CPNE5: variants seen among roughly 807,000 people sequenced by gnomAD.
CPNE5 encodes the protein copine 5, also known as copine-5.
CPNE5 carries 42 observed loss-of-function variants against 81.1 expected under a neutral mutation model. The observed-to-expected ratio is 0.52, with a 90% CI of 0.40 to 0.67. The LOEUF is 0.67. Among genes scored for constraint, CPNE5 ranks in the 30% least tolerant of loss-of-function variants. The pLI is 0.00. For missense variants in CPNE5, 612 were observed against 815.5 expected (o/e 0.75, Z 3.04); for synonymous variants, 313 against 321.5 (o/e 0.97, Z 0.28).
At chr6:36,744,606 G>C (rs965379836) in intron 18 of CPNE5, 2 of 520,510 alleles carry the variant, frequency 3.8e-6, no homozygotes, top group Non-Finnish European at 6.9e-6. Flanking sequence ...CTCTTACAGG[G>C]AGACCACCGG....
chr6:36,825,143 A>G (rs1020342353), intron 1 of CPNE5, among the ~76,000 whole-genome samples: 2 of 152,148 alleles, frequency 1.3e-5, no homozygotes, highest in African/African-American at 4.8e-5. Context: ...AGCCCTCGGC[A>G]GTGACAGCCT....
In CPNE5 at chr6:36,742,137, C is replaced by A; in HGVS notation, c.*131G>T. The A allele has an allele frequency of 3.0e-6, 2 of 664,594 alleles. No homozygotes were observed. Among genetic ancestry groups the A allele is most frequent in the Non-Finnish European group, 4.9e-6 (2 of 404,308 alleles). 41.2% of individuals were successfully genotyped at this position (664,594 alleles called of 1,614,324 possible). On this transcript the variant is annotated 3_prime_UTR_variant, in exon 21 of 21. Transcript: ENST00000244751. ...TGAGGAGGGGTCTTCAGAAGCCCCACCCCCTGGCAGCCTCCCAGGCACACA... is the reference window on the plus strand; with the variant it reads ...TGAGGAGGGGTCTTCAGAAGCCCCAACCCCTGGCAGCCTCCCAGGCACACA...
rs770817107 is a variant in CPNE5, at chr6:36,775,044, G to T, written c.654C>A (p.Thr218=). 7 of 1,614,004 alleles carry T rather than the reference G, an allele frequency of 4.3e-6. No homozygotes were observed. The African/African-American group carries it at 9.3e-5, about 22-fold the overall frequency. The change falls in exon 10 of 21, where the codon ACC becomes ACA. Residue 218 remains threonine, a synonymous_variant. Transcript: ENST00000244751. The part of the protein sequence containing the change: ...EDGTFTICHK[T]EVMKNTLNPV... ...GATTTAGGGTGTTCTTCATGACCTCGGTCTTGTGGCAAATGGTGAACCTGG... is the reference window on the plus strand; with the variant it reads ...GATTTAGGGTGTTCTTCATGACCTCTGTCTTGTGGCAAATGGTGAACCTGG...
In CPNE5 at chr6:36,817,789, G is replaced by T. The variant is rs139787556; in HGVS notation, c.183+4325C>A. 4.7e-3 allele frequency among the ~76,000 whole-genome samples: 715 copies of T among 152,292 alleles called. 6 individuals carry two copies. The highest frequency in any genetic ancestry group is 0.015 in the African/African-American group (620 of 41,554). ...GATAGGAGGACGGGAAGAGACTGAG[G>T]TTGCCTGAGTTGACTCTGTCCCTCC... On this transcript the variant is annotated intron_variant, in intron 3 of 20. Transcript: ENST00000244751.
At chr6:36,773,701 A>G (rs1767241993) in intron 10 of CPNE5, among the ~76,000 whole-genome samples, 1 of 152,222 alleles carries the variant, frequency 6.6e-6, no homozygotes, top group Non-Finnish European at 1.5e-5. Context: ...AAGGAAACTC[A>G]GGCTCAGACA....
At chr6:36,787,820 A>G (rs1000447486) in intron 8 of CPNE5, among the ~76,000 whole-genome samples, 1 of 152,102 alleles carries the variant, frequency 6.6e-6, no homozygotes, top group African/African-American at 2.4e-5. Context: ...TGCCTCCTCC[A>G]TGACCACCGC....
rs1334846624 is a variant in CPNE5 at position 36,745,020 on chromosome 6, C to A, written c.1431+28G>T. 3.9e-6 allele frequency: 6 copies of A among 1,533,232 alleles called. No individual in the cohort carries two copies. The South Asian group carries it at 4.5e-5, about 11-fold the overall frequency. 95.0% of individuals were successfully genotyped at this position (1,533,232 alleles called of 1,614,324 possible). A position where few individuals can be genotyped will look rare whatever the true frequency, so the allele number is the denominator to read the frequency against. On this transcript the variant is annotated intron_variant, in intron 18 of 20. Coordinates refer to ENST00000244751, the MANE Select transcript of CPNE5 (RefSeq NM_020939.2). ...GGGGAGGAAGACACTCCTCAAACCGCCTCCCCCACCGCACACTCCTTGCTT... is the reference window on the plus strand; with the variant it reads ...GGGGAGGAAGACACTCCTCAAACCGACTCCCCCACCGCACACTCCTTGCTT...
intron 8 of CPNE5, among the ~76,000 whole-genome samples, chr6:36,785,144 G>A (rs1027788288): frequency 4.6e-5 from 7 of 152,004 alleles, no homozygotes; most frequent in Non-Finnish European, 7.4e-5. Context: ...ATGTTAATGG[G>A]GCTGCTGGGG....
intron 8 of CPNE5, among the ~76,000 whole-genome samples, chr6:36,789,974 C>T (rs879766625): frequency 1.2e-4 from 19 of 152,106 alleles, no homozygotes; most frequent in Admixed American, 2.6e-4. Context: ...ATTCTGTGTT[C>T]GTGTGTCTTA....
At chr6:36,807,466 G>A (rs110033) in intron 3 of CPNE5, among the ~76,000 whole-genome samples, 79,797 of 152,048 alleles carry the variant, frequency 0.52, 21,810 homozygotes, top group African/African-American at 0.68. Context: ...TGCTCTGTAC[G>A]TAAGTGATCC....
Position 36,768,225 on chromosome 6 carries a change from C to CTTTTT in CPNE5, c.738-2854_738-2850dup, listed in dbSNP as rs10586762. ...GGCTTTGACTACTCTATTCACAGTT[C>CTTTTT]TTTTTTTTTTTTTTTTTTTTTTTTT... On this transcript the variant is annotated intron_variant, in intron 10 of 20. Coordinates refer to ENST00000244751, the MANE Select transcript of CPNE5 (RefSeq NM_020939.2). Among the ~76,000 whole-genome samples, 22 of 60,510 alleles carry CTTTTT rather than the reference C, an allele frequency of 3.6e-4. 2 individuals are homozygous for CTTTTT. The highest frequency in any genetic ancestry group is 1.2e-3 in the African/African-American group (19 of 15,704). 39.7% of individuals were successfully genotyped at this position (60,510 alleles called of 152,430 possible). A position where few individuals can be genotyped will look rare whatever the true frequency, so the allele number is the denominator to read the frequency against.
chr6:36,816,005 C>T (rs1174370616), intron 3 of CPNE5, among the ~76,000 whole-genome samples: 1 of 152,188 alleles, frequency 6.6e-6, no homozygotes, highest in Non-Finnish European at 1.5e-5. Flanking sequence ...AGAGGGGTTC[C>T]CTATCATGTC....
chr6:36,745,068 T>C lies in CPNE5; in HGVS notation c.1411A>G (p.Thr471Ala), dbSNP rs1166228497. ...TDGVISDMAQ[T>A]KEAIVNAAKL... ...CTTACGTTGACAATGGCCTCCTTGG[T>C]CTGCGCCATGTCCGAGATGACCCCA... The change falls in exon 18 of 21, where the codon ACC becomes GCC. Residue 471 changes from threonine (T) to alanine (A), a missense_variant. Coordinates refer to ENST00000244751, the MANE Select transcript of CPNE5 (RefSeq NM_020939.2). 1.2e-6 allele frequency: 2 copies of C among 1,613,906 alleles called. No homozygotes were observed. The highest frequency in any genetic ancestry group is 4.5e-5 in the East Asian group (2 of 44,880).
Position 36,800,013 on chromosome 6 carries a change from T to C in CPNE5, c.241A>G (p.Ile81Val), listed in dbSNP as rs1316408317. Residue 81 changes from isoleucine (I) to valine (V), a missense_variant, in exon 4 of 21, where the codon ATT (isoleucine) becomes GTT (valine). Coordinates refer to ENST00000244751, the MANE Select transcript of CPNE5 (RefSeq NM_020939.2). The part of the protein sequence containing the change: ...TLNPDFVRKF[I>V]VDYFFEEKQN... ...TTCTCCTCGAAAAAGTAATCCACAA[T>C]GAACTTGCGCACGAAGTCAGGATTG... 6.2e-7 allele frequency: 1 copy of C among 1,614,082 alleles called. No homozygotes were observed. Among genetic ancestry groups the C allele is most frequent in the Non-Finnish European group, 8.5e-7 (1 of 1,179,998 alleles).
intron 14 of CPNE5, among the ~76,000 whole-genome samples, chr6:36,750,174 G>T (rs1286636376): frequency 6.6e-6 from 1 of 152,188 alleles, no homozygotes; most frequent in African/African-American, 2.4e-5. Context: ...TTCTTAGTTG[G>T]GGCTATGGAT....
At chr6:36,777,737 C>T (rs1361914851) in intron 9 of CPNE5, among the ~76,000 whole-genome samples, 3 of 132,404 alleles carry the variant, frequency 2.3e-5, no homozygotes, top group Admixed American at 8.1e-5. Flanking sequence ...ACCTCCTCCT[C>T]GCTGCTCCCC....
intron 8 of CPNE5, 150 bp downstream of exon 8, chr6:36,791,883 T>C (rs1769126251): frequency 2.9e-6 from 2 of 696,626 alleles, no homozygotes; most frequent in South Asian, 3.2e-5. Context: ...AAACACCCAC[T>C]AGCTCTGATG....
chr6:36,776,973 C>T (rs1235936436), intron 9 of CPNE5, among the ~76,000 whole-genome samples: 3 of 152,234 alleles, frequency 2.0e-5, no homozygotes, highest in South Asian at 2.1e-4. Context: ...CACCGCTAGG[C>T]GGGCCTCCGG....
At chr6:36,792,688 G>A (rs1769210071) in intron 7 of CPNE5, among the ~76,000 whole-genome samples, 1 of 152,178 alleles carries the variant, frequency 6.6e-6, no homozygotes, top group Admixed American at 6.5e-5. Flanking sequence ...GCTCCCCAGT[G>A]AAGTGGGCAA....
Sources: gnomAD v4.1 joint callset for allele counts (sites outside exome capture counted in the v4.1 genomes callset) on GRCh38, gnomAD v4.1.1 for gene constraint, MANE v1.5 for transcripts, NCBI Gene and HGNC (gene_info 2026-07-23, HGNC 2026-07-21) for gene names.